The following FMNL2 variants were observed in gnomAD, a reference collection of about 807,000 sequenced individuals.
FMNL2 encodes the protein formin-like protein 2.
FMNL2 carries 51 observed loss-of-function variants against 130.2 expected under a neutral mutation model. The observed-to-expected ratio is 0.39, with a 90% CI of 0.31 to 0.49. FMNL2 has a LOEUF of 0.49. Among genes scored for constraint, FMNL2 ranks in the 20% least tolerant of loss-of-function variants. The pLI is 0.85. For synonymous variants in FMNL2, 465 were observed against 467.1 expected (o/e 1.00, Z 0.06); for missense variants, 977 against 1,316.2 (o/e 0.74, Z 3.99).
intron 1 of FMNL2, among the ~76,000 whole-genome samples, chr2:152,383,772 T>G (rs1354340359): frequency 6.6e-6 from 1 of 152,190 alleles, no homozygotes; most frequent in Non-Finnish European, 1.5e-5. Flanking sequence ...AGGAAATAAG[T>G]TAAGGCATTT....
chr2:152,565,145 A>G lies in FMNL2; in HGVS notation c.596+4110A>G, dbSNP rs112506049. Among the ~76,000 whole-genome samples, 568 of 152,360 alleles carry G rather than the reference A, an allele frequency of 3.7e-3. 2 individuals are homozygous for G. Among genetic ancestry groups the G allele is most frequent in the Non-Finnish European group, 6.5e-3 (439 of 68,034 alleles). On this transcript the variant is annotated intron_variant, in intron 6 of 25. Transcript: ENST00000288670. ...GAAGACAAAGGCTGTGTTATTTCAG[A>G]TGCAAGAGAAAATACTTTCTGATTT...
At chr2:152,453,240 A>G (rs1269350375) in intron 1 of FMNL2, among the ~76,000 whole-genome samples, 5 of 151,976 alleles carry the variant, frequency 3.3e-5, no homozygotes, top group Non-Finnish European at 5.9e-5. Flanking sequence ...GATTACAGAA[A>G]GAAAGAAAAT....
At chr2:152,350,805 G>A (rs1233305604) in intron 1 of FMNL2, among the ~76,000 whole-genome samples, 1 of 152,204 alleles carries the variant, frequency 6.6e-6, no homozygotes, top group African/African-American at 2.4e-5. Flanking sequence ...ATCACTTTGA[G>A]AGGCCGAGGT....
chr2:152,555,946 A>C (rs903871064), intron 4 of FMNL2, among the ~76,000 whole-genome samples: 2 of 152,252 alleles, frequency 1.3e-5, no homozygotes, highest in African/African-American at 4.8e-5. Context: ...ATAAATCTGC[A>C]AAATGAGGCA....
At chr2:152,585,956 A>G (rs2105747413) in intron 9 of FMNL2, among the ~76,000 whole-genome samples, 1 of 152,018 alleles carries the variant, frequency 6.6e-6, no homozygotes, top group South Asian at 2.1e-4. Context: ...TTCTGAAGTC[A>G]AAGAGGAAAA....
intron 1 of FMNL2, among the ~76,000 whole-genome samples, chr2:152,402,861 A>G (rs563665331): frequency 6.6e-6 from 1 of 152,092 alleles, no homozygotes. Flanking sequence ...TGCTTTATTC[A>G]CCTTTCCTCA....
At chr2:152,477,396 G>A (rs1211818838) in intron 1 of FMNL2, among the ~76,000 whole-genome samples, 1 of 152,190 alleles carries the variant, frequency 6.6e-6, no homozygotes, top group Admixed American at 6.5e-5. Context: ...AAATGAGGAT[G>A]TTGGAAATAA....
intron 2 of FMNL2, among the ~76,000 whole-genome samples, chr2:152,535,201 G>T (rs1463497341): frequency 6.6e-6 from 1 of 152,142 alleles, no homozygotes; most frequent in Non-Finnish European, 1.5e-5. Flanking sequence ...TCATAAACTG[G>T]ATTACTAGAA....
intron 2 of FMNL2, among the ~76,000 whole-genome samples, chr2:152,527,026 A>G (rs547304369): frequency 4.6e-5 from 7 of 152,074 alleles, no homozygotes; most frequent in Non-Finnish European, 8.8e-5. Flanking sequence ...GTATCTGGCC[A>G]TGTATTCCTT....
chr2:152,349,542 T>A (rs1294525256), intron 1 of FMNL2, among the ~76,000 whole-genome samples: 1 of 152,216 alleles, frequency 6.6e-6, no homozygotes, highest in Admixed American at 6.5e-5. Context: ...TGTTCGTTCT[T>A]CACATACCCT....
rs1366669354 is a variant in FMNL2 at position 152,625,369 on chromosome 2, TGTC to T, written c.1838-68_1838-66del. The T allele has an allele frequency of 4.5e-6, 7 of 1,541,318 alleles. No homozygotes were observed. In the East Asian group the frequency reaches 1.6e-4, roughly 35 times the overall value. ...TCAAAGTGTCATCTGCAAGGACTGT[TGTC>T]TGATTGTTCCTGAGGGTCGTAGGCT... On this transcript the variant is annotated intron_variant, in intron 15 of 25. Coordinates refer to ENST00000288670, the MANE Select transcript of FMNL2 (RefSeq NM_052905.4).
At chr2:152,492,532 A>AT (rs1222750531) in intron 1 of FMNL2, among the ~76,000 whole-genome samples, 3 of 152,020 alleles carry the variant, frequency 2.0e-5, no homozygotes, top group African/African-American at 7.2e-5. Flanking sequence ...CTTTGTAATT[A>AT]TTTTTTTCTT....
At position 152,637,634 on chromosome 2, in the gene FMNL2, T is replaced by C. The variant is rs532584958; in HGVS notation, c.2906T>C (p.Val969Ala). The C allele has an allele frequency of 3.3e-5, 54 of 1,614,006 alleles. 1 individual carries two copies. In the South Asian group the frequency reaches 4.8e-4, roughly 14 times the overall value. The change falls in exon 23 of 26, where the codon GTC becomes GCC. Residue 969 changes from valine (V) to alanine (A), a missense_variant. Coordinates refer to ENST00000288670, the MANE Select transcript of FMNL2 (RefSeq NM_052905.4). ...AACCCCAAGACAACACCACCCTCTGTCTTCTTTCCTGTCTTTGTCCGGTTT... is the reference window on the plus strand; with the variant it reads ...AACCCCAAGACAACACCACCCTCTGCCTTCTTTCCTGTCTTTGTCCGGTTT... Reference protein sequence around the residue: ...GENPKTTPPSVFFPVFVRFVK... With the variant: ...GENPKTTPPSAFFPVFVRFVK...
At chr2:152,580,376 G>C (rs906063017) in intron 8 of FMNL2, among the ~76,000 whole-genome samples, 1 of 152,200 alleles carries the variant, frequency 6.6e-6, no homozygotes, top group East Asian at 1.9e-4. Flanking sequence ...ATATTCTTGT[G>C]TTAGTAAAGC....
At chr2:152,471,693 T>C (rs1372302059) in intron 1 of FMNL2, among the ~76,000 whole-genome samples, 1 of 152,140 alleles carries the variant, frequency 6.6e-6, no homozygotes. Flanking sequence ...CCTCTTCATA[T>C]ACTAGATGGC....
At position 152,560,962 on chromosome 2, in the gene FMNL2, C is replaced by G. The variant is rs748284502; in HGVS notation, c.523C>G (p.Leu175Val). The G allele has an allele frequency of 3.0e-5, 48 of 1,609,026 alleles. No individual in the cohort carries two copies. The highest frequency in any genetic ancestry group is 3.9e-5 in the Non-Finnish European group (46 of 1,177,762). The change falls in exon 6 of 26, where the codon CTG becomes GTG. Residue 175 changes from leucine (L) to valine (V), a missense_variant. Transcript: ENST00000288670. ...GCCCTGGAGTAGGTCCATCGAGGAC[C>G]TGCACAGAGGGAGCAACCTGCCCTC... Reference protein sequence around the residue: ...SKPWSRSIEDLHRGSNLPSPV... With the variant: ...SKPWSRSIEDVHRGSNLPSPV...
intron 13 of FMNL2, among the ~76,000 whole-genome samples, chr2:152,618,479 G>A (rs1699068430): frequency 6.6e-6 from 1 of 152,094 alleles, no homozygotes; most frequent in South Asian, 2.1e-4. Context: ...GTGTATCTAA[G>A]AGTTACAAAT....
chr2:152,346,127 C>T (rs151209561), intron 1 of FMNL2, among the ~76,000 whole-genome samples: 1 of 152,174 alleles, frequency 6.6e-6, no homozygotes, highest in East Asian at 1.9e-4. Flanking sequence ...TGGGTTCAAG[C>T]GATTCTCCTG....
At chr2:152,528,906 G>C (rs967413625) in intron 2 of FMNL2, among the ~76,000 whole-genome samples, 1 of 152,122 alleles carries the variant, frequency 6.6e-6, no homozygotes, top group Admixed American at 6.6e-5. Flanking sequence ...CCAGTCAAAG[G>C]GAGAAAGAAC....
Sources: gnomAD v4.1 joint callset for allele counts (sites outside exome capture counted in the v4.1 genomes callset) on GRCh38, gnomAD v4.1.1 for gene constraint, MANE v1.5 for transcripts, NCBI Gene and HGNC (gene_info 2026-07-23, HGNC 2026-07-21) for gene names.